XXYLT1: variants seen among roughly 807,000 people sequenced by gnomAD.
XXYLT1 encodes the protein xyloside xylosyltransferase 1, also known as UDP-xylose:alpha-xyloside alpha-1,3-xylosyltransferase.
Under a neutral mutation model 28.9 loss-of-function variants are expected in XXYLT1, and 20 were observed. That is an observed-to-expected ratio of 0.69 (90% confidence interval 0.49 to 1.00). XXYLT1 has a LOEUF of 1.00. Ranked by LOEUF, XXYLT1 falls within the 50% of genes least tolerant of loss-of-function variation. The pLI is 0.00. For synonymous variants in XXYLT1, 257 were observed against 253.8 expected (o/e 1.01, Z -0.12); for missense variants, 542 against 560.1 (o/e 0.97, Z 0.33).
Position 195,256,458 on chromosome 3 carries a change from C to A in XXYLT1, c.504+14097G>T, listed in dbSNP as rs1725482837. 1.9e-5 allele frequency: 19 copies of A among 984,994 alleles called. No individual in the cohort carries two copies. The highest frequency in any genetic ancestry group is 4.7e-5 in the South Asian group (1 of 21,280). 61.0% of individuals were successfully genotyped at this position (984,994 alleles called of 1,614,324 possible). On this transcript the variant is annotated intron_variant, in intron 1 of 3. Transcript: ENST00000310380. This position sits in a 1 kb window ranked among gnomAD's most constrained non-coding sequence, Gnocchi z 4.2. ...CACAGGGCAGGGCCCGAGAAACGAACCAGTACCTCCCAGAGGACGGAAGGG... is the reference window on the plus strand; with the variant it reads ...CACAGGGCAGGGCCCGAGAAACGAAACAGTACCTCCCAGAGGACGGAAGGG...
In XXYLT1 at chr3:195,160,805, C is replaced by T. The variant is rs572204885; in HGVS notation, c.653-4224G>A. 1.3e-4 allele frequency among the ~76,000 whole-genome samples: 20 copies of T among 152,326 alleles called. No individual in the cohort carries two copies. The East Asian group carries it at 1.9e-3, about 15-fold the overall frequency. ...AGCATGTGGTAGAGGGTCCGCCCCG[C>T]GACGCACAGACCCAGGGCGTGTCCC... On this transcript the variant is annotated intron_variant, in intron 2 of 3. Transcript: ENST00000310380.
chr3:195,212,704 G>A (rs769969553), intron 2 of XXYLT1, among the ~76,000 whole-genome samples: 5 of 152,188 alleles, frequency 3.3e-5, no homozygotes, highest in Admixed American at 1.3e-4. Context: ...AATGCCTGAT[G>A]ATCTGAGGTG....
rs1337733437 is a variant in XXYLT1, at chr3:195,150,847, CACA to C, written c.785+5599_785+5601del. 2.2e-3 allele frequency among the ~76,000 whole-genome samples: 195 copies of C among 87,802 alleles called. 1 individual carries two copies. Among genetic ancestry groups the C allele is most frequent in the East Asian group, 8.7e-3 (9 of 1,030 alleles). 57.6% of individuals were successfully genotyped at this position (87,802 alleles called of 152,430 possible). Reference sequence around the variant, plus strand: ...ACTCACACATACGCACACTCTCTCACACACTCTCACACACACACACACTCTCTC... The same window carrying C: ...ACTCACACATACGCACACTCTCTCACCTCTCACACACACACACACTCTCTC... On this transcript the variant is annotated intron_variant, in intron 3 of 3. Coordinates refer to ENST00000310380, the MANE Select transcript of XXYLT1 (RefSeq NM_152531.5). The surrounding 1 kb of genome is among the most constrained non-coding windows in gnomAD (Gnocchi z 4.7).
intron 3 of XXYLT1, among the ~76,000 whole-genome samples, chr3:195,104,895 T>C (rs1717002325): frequency 6.6e-6 from 1 of 152,198 alleles, no homozygotes; most frequent in Non-Finnish European, 1.5e-5. Context: ...GAATAAACCA[T>C]TTGGTTCTTT....
intron 3 of XXYLT1, among the ~76,000 whole-genome samples, chr3:195,098,538 G>C (rs1716586662): frequency 1.3e-5 from 2 of 152,198 alleles, no homozygotes; most frequent in Admixed American, 6.5e-5. Flanking sequence ...GGGAGACAGA[G>C]AGAGAGACTG....
intron 1 of XXYLT1, among the ~76,000 whole-genome samples, chr3:195,234,777 TTAGGA>T (rs1724463691): frequency 6.6e-6 from 1 of 152,220 alleles, no homozygotes; most frequent in Admixed American, 6.5e-5. Flanking sequence ...CTTGCTACTT[TTAGGA>T]TCCTTTCTTT....
At chr3:195,268,742 GCAGCTGCCTC>G (rs1426278478) in intron 1 of XXYLT1, among the ~76,000 whole-genome samples, 1 of 152,148 alleles carries the variant, frequency 6.6e-6, no homozygotes, top group Non-Finnish European at 1.5e-5. Flanking sequence ...CTGGTCATTT[GCAGCTGCCTC>G]CAGGCCTTGA....
In XXYLT1 at chr3:195,076,436, C is replaced by T. The variant is rs113170299; in HGVS notation, c.786-6325G>A. 0.025 allele frequency among the ~76,000 whole-genome samples: 3,729 copies of T among 152,104 alleles called. 160 individuals are homozygous for T. The highest frequency in any genetic ancestry group is 0.086 in the African/African-American group (3,566 of 41,466). On this transcript the variant is annotated intron_variant, in intron 3 of 3. Coordinates refer to ENST00000310380, the MANE Select transcript of XXYLT1 (RefSeq NM_152531.5). This position sits in a 1 kb window ranked among gnomAD's most constrained non-coding sequence, Gnocchi z 5.3. ...CAGGGGCCTTCGGTGGGAGGAGGGACAGTCGTGACAGGGCACTGGGGTGGC... is the reference window on the plus strand; with the variant it reads ...CAGGGGCCTTCGGTGGGAGGAGGGATAGTCGTGACAGGGCACTGGGGTGGC...
At chr3:195,145,632 C>T (rs1719803402) in intron 3 of XXYLT1, among the ~76,000 whole-genome samples, 3 of 144,336 alleles carry the variant, frequency 2.1e-5, no homozygotes, top group Non-Finnish European at 4.4e-5. Context: ...GCACCTCACT[C>T]CACGGTGACC....
Position 195,150,888 on chromosome 3 carries a change from CCTCT to C in XXYLT1, c.785+5557_785+5560del, listed in dbSNP as rs1004270596. ...CACACACTCTCTCCCTCTCCCTCTC[CCTCT>C]CTCTCTCTCCATCACTCCAGGGTCA... On this transcript the variant is annotated intron_variant, in intron 3 of 3. Coordinates refer to ENST00000310380, the MANE Select transcript of XXYLT1 (RefSeq NM_152531.5). The surrounding 1 kb of genome is among the most constrained non-coding windows in gnomAD (Gnocchi z 4.7). Among the ~76,000 whole-genome samples, 1 of 119,888 alleles carries C rather than the reference CCTCT, an allele frequency of 8.3e-6. No individual in the cohort carries two copies. The highest frequency in any genetic ancestry group is 1.8e-5 in the Non-Finnish European group (1 of 56,930). 78.7% of individuals were successfully genotyped at this position (119,888 alleles called of 152,430 possible).
At chr3:195,267,905 T>C (rs973246638) in intron 1 of XXYLT1, among the ~76,000 whole-genome samples, 3 of 151,948 alleles carry the variant, frequency 2.0e-5, no homozygotes, top group Non-Finnish European at 4.4e-5. Flanking sequence ...ACAAGTAAAA[T>C]GAAGCAAACC....
chr3:195,133,696 G>A lies in XXYLT1; in HGVS notation c.785+22753C>T, dbSNP rs764744383. On this transcript the variant is annotated intron_variant, in intron 3 of 3. Coordinates refer to ENST00000310380, the MANE Select transcript of XXYLT1 (RefSeq NM_152531.5). The surrounding 1 kb of genome is among the most constrained non-coding windows in gnomAD (Gnocchi z 4.4). ...CATTGTATACAGTCACGCACCACGT[G>A]ACGACGTTGCAGTCAACGACAGAAC... is the stretch of plus-strand genomic sequence containing the variant. Among the ~76,000 whole-genome samples the A allele has an allele frequency of 9.9e-5, 15 of 152,176 alleles. No individual in the cohort carries two copies. The highest frequency in any genetic ancestry group is 5.2e-4 in the Admixed American group (8 of 15,270).
intron 1 of XXYLT1, among the ~76,000 whole-genome samples, chr3:195,239,260 C>T (rs1454494909): frequency 2.0e-5 from 3 of 152,152 alleles, no homozygotes; most frequent in Non-Finnish European, 2.9e-5. Context: ...AACTAACCTT[C>T]CCAAGGATGG....
At chr3:195,161,635 T>A (rs1335670694) in intron 2 of XXYLT1, among the ~76,000 whole-genome samples, 1 of 61,940 alleles carries the variant, frequency 1.6e-5, no homozygotes, top group Non-Finnish European at 3.0e-5. Flanking sequence ...GATATATAGA[T>A]TTTTTTTTTT....
chr3:195,164,488 T>C (rs956738121), intron 2 of XXYLT1, among the ~76,000 whole-genome samples: 4 of 152,232 alleles, frequency 2.6e-5, no homozygotes, highest in Non-Finnish European at 5.9e-5. Flanking sequence ...TTGTTCCTTC[T>C]TTGTTCCCTG....
At chr3:195,213,524 A>G (rs1434828455) in intron 2 of XXYLT1, among the ~76,000 whole-genome samples, 1 of 152,092 alleles carries the variant, frequency 6.6e-6, no homozygotes, top group Non-Finnish European at 1.5e-5. Flanking sequence ...TCAGCCTCCC[A>G]AAGTGCTGGG....
chr3:195,082,875 T>C (rs1157803671), intron 3 of XXYLT1, among the ~76,000 whole-genome samples: 1 of 150,450 alleles, frequency 6.6e-6, no homozygotes, highest in African/African-American at 2.4e-5. Flanking sequence ...CCCTCAGCCA[T>C]AAGGCACCCC....
chr3:195,183,915 T>C (rs1232915818), intron 2 of XXYLT1, among the ~76,000 whole-genome samples: 1 of 152,230 alleles, frequency 6.6e-6, no homozygotes, highest in Non-Finnish European at 1.5e-5. Context: ...GGCTATGTGA[T>C]CCACTTGGCT....
intron 2 of XXYLT1, among the ~76,000 whole-genome samples, chr3:195,199,322 T>C (rs893021143): frequency 1.5e-4 from 23 of 152,022 alleles, no homozygotes; most frequent in African/African-American, 5.6e-4. Flanking sequence ...ATAAAAAGAA[T>C]CTTTTTGGGC....
Sources: allele counts gnomAD v4.1 joint callset (sites outside exome capture counted in the v4.1 genomes callset), GRCh38; gene constraint gnomAD v4.1.1; non-coding constraint Gnocchi (gnomAD v3.1); transcripts MANE v1.5; gene names NCBI Gene and HGNC (gene_info 2026-07-23, HGNC 2026-07-21).